The following TSPAN11 variants were observed in gnomAD, a reference collection of about 807,000 sequenced individuals.
The protein encoded by TSPAN11 is tetraspanin 11, also known as tetraspanin-11.
Under a neutral mutation model 32.9 loss-of-function variants are expected in TSPAN11, and 29 were observed. The ratio of observed to expected loss-of-function variants is 0.88; its 90% CI spans 0.66 to 1.20. TSPAN11 has a LOEUF of 1.20. Among genes scored for constraint, TSPAN11 ranks in the 50% most tolerant of loss-of-function variants. The pLI is 0.00. For synonymous variants in TSPAN11, 140 were observed against 141.3 expected (o/e 0.99, Z 0.07); for missense variants, 283 against 329.1 (o/e 0.86, Z 1.08).
intron 2 of TSPAN11, among the ~76,000 whole-genome samples, chr12:30,959,901 T>A: frequency 6.0e-5 from 9 of 149,194 alleles, no homozygotes; most frequent in African/African-American, 2.3e-4. Context: ...TTTTTGGGCT[T>A]GGTGCCTGGG....
intron 1 of TSPAN11, among the ~76,000 whole-genome samples, chr12:30,929,494 G>A (rs1046225090): frequency 5.9e-5 from 9 of 152,118 alleles, no homozygotes; most frequent in African/African-American, 1.2e-4. Flanking sequence ...GGCACCAGAC[G>A]GAGGACACGA....
chr12:31,001,892 C>T, the TSPAN11 span, among the ~76,000 whole-genome samples: 3 of 152,250 alleles, frequency 2.0e-5, no homozygotes, highest in Middle Eastern at 6.8e-3. Context: ...GTGACTGGGG[C>T]CCAGTGCTAA....
intron 2 of TSPAN11, among the ~76,000 whole-genome samples, chr12:30,960,839 G>T (rs967536148): frequency 6.6e-6 from 1 of 151,794 alleles, no homozygotes; most frequent in Non-Finnish European, 1.5e-5. Context: ...AAGAGTTCAA[G>T]ACCAGCCTGA....
chr12:30,976,689 G>A (rs115728877), intron 3 of TSPAN11, among the ~76,000 whole-genome samples: 3,544 of 152,236 alleles, frequency 0.023, 139 homozygotes, highest in African/African-American at 0.081. Context: ...ACTCCCTCCC[G>A]CCACTTCCTG....
intron 1 of TSPAN11, among the ~76,000 whole-genome samples, chr12:30,937,549 G>A (rs1025647851): frequency 6.6e-6 from 1 of 152,154 alleles, no homozygotes; most frequent in Non-Finnish European, 1.5e-5. Context: ...CAGGACTGTG[G>A]CTTAAAGAAC....
At chr12:31,004,423 T>C in the TSPAN11 span, among the ~76,000 whole-genome samples, 81 of 152,304 alleles carry the variant, frequency 5.3e-4, no homozygotes, top group East Asian at 0.014. Flanking sequence ...CCACTGCTGA[T>C]GTCGATGAAC....
intron 7 of TSPAN11, among the ~76,000 whole-genome samples, chr12:30,984,718 C>T (rs1939167546): frequency 1.3e-5 from 2 of 151,924 alleles, no homozygotes; most frequent in African/African-American, 2.4e-5. Flanking sequence ...ACCACCACGC[C>T]GCCTAGTTTT....
rs145322545 is a variant in TSPAN11, at chr12:30,929,098, C to G, written c.-12+2302C>G. Among the ~76,000 whole-genome samples the G allele has an allele frequency of 4.0e-3, 607 of 152,336 alleles. 11 individuals are homozygous for G. Among genetic ancestry groups the G allele is most frequent in the African/African-American group, 0.014 (580 of 41,574 alleles). On this transcript the variant is annotated intron_variant, in intron 1 of 7. Transcript: ENST00000546076. ...CTGGCAGGGCGCCAGGTCCCTCACA[C>G]CAGCAGCTCGGGGTCAATCTAAGTT...
intron 7 of TSPAN11, among the ~76,000 whole-genome samples, chr12:30,988,305 T>C (rs544292331): frequency 3.3e-5 from 5 of 152,248 alleles, no homozygotes; most frequent in Admixed American, 6.5e-5. Context: ...TTAAATACCA[T>C]TGTGGCCAGG....
At position 30,984,968 on chromosome 12, in the gene TSPAN11, C is replaced by T. The variant is rs74645263; in HGVS notation, c.702+1818C>T. On this transcript the variant is annotated intron_variant, in intron 7 of 7. Transcript: ENST00000546076. ...TCCTGGCTTTGGTTCTTTGCTTTCC[C>T]GAACTCCCTACCATGACACACAGAT... is the stretch of plus-strand genomic sequence containing the variant. Among the ~76,000 whole-genome samples, 559 of 152,250 alleles carry T rather than the reference C, an allele frequency of 3.7e-3. 17 individuals are homozygous for T. The East Asian group carries it at 0.078, about 21-fold the overall frequency.
chr12:31,013,293 G>A, the TSPAN11 span, among the ~76,000 whole-genome samples: 1 of 152,162 alleles, frequency 6.6e-6, no homozygotes, highest in Non-Finnish European at 1.5e-5. Flanking sequence ...CAGGGAGAAG[G>A]TGCAGAGACA....
intron 1 of TSPAN11, among the ~76,000 whole-genome samples, chr12:30,945,053 C>CT (rs1229069821): frequency 6.6e-6 from 1 of 152,196 alleles, no homozygotes; most frequent in Admixed American, 6.5e-5. Flanking sequence ...GCCCATGCTG[C>CT]CCAGCCATTC....
intron 3 of TSPAN11, among the ~76,000 whole-genome samples, chr12:30,969,014 G>A (rs750535916): frequency 1.3e-5 from 2 of 152,182 alleles, no homozygotes; most frequent in Non-Finnish European, 2.9e-5. Flanking sequence ...GTATTTTCAG[G>A]TCCTGGGAAG....
chr12:31,008,693 C>T, the TSPAN11 span, among the ~76,000 whole-genome samples: 3 of 152,236 alleles, frequency 2.0e-5, no homozygotes, highest in Admixed American at 6.5e-5. Context: ...TTTGCAGGCA[C>T]GCTTTCTTTT....
chr12:30,969,446 T>G (rs994259377), intron 3 of TSPAN11, among the ~76,000 whole-genome samples: 1 of 152,194 alleles, frequency 6.6e-6, no homozygotes, highest in African/African-American at 2.4e-5. Flanking sequence ...AGTCCTTTCC[T>G]CATCCAGCGT....
chr12:31,015,438 G>A, the TSPAN11 span: 1 of 152,218 alleles, frequency 6.6e-6, no homozygotes, highest in Non-Finnish European at 1.5e-5. The surrounding 1 kb of genome is among the most constrained non-coding windows in gnomAD (Gnocchi z 4.9). Context: ...AACTCCAAGG[G>A]TCAGGAGTTG....
Position 30,992,208 on chromosome 12 carries a change from G to A in TSPAN11, c.*293G>A. Reference sequence around the variant, plus strand: ...CTCACCAGGAACGGGGGCACCCGTGGACTACGGGAGGGTGGCGGTTGGGTT... The same window carrying A: ...CTCACCAGGAACGGGGGCACCCGTGAACTACGGGAGGGTGGCGGTTGGGTT... On this transcript the variant is annotated 3_prime_UTR_variant, in exon 8 of 8. Transcript: ENST00000546076. 2.0e-6 allele frequency: 1 copy of A among 492,418 alleles called. No individual in the cohort carries two copies. The highest frequency in any genetic ancestry group is 3.7e-6 in the Non-Finnish European group (1 of 271,840). 30.5% of individuals were successfully genotyped at this position (492,418 alleles called of 1,614,324 possible).
Position 30,994,826 on chromosome 12 carries a change from T to A in TSPAN11, c.*2911T>A, listed in dbSNP as rs1939386324. 6.6e-6 allele frequency: 1 copy of A among 152,134 alleles called. No individual in the cohort carries two copies. The highest frequency in any genetic ancestry group is 2.1e-4 in the South Asian group (1 of 4,816). The allele number at this position is 152,134 out of a possible 1,614,324, so 9.4% of individuals were successfully genotyped here. On this transcript the variant is annotated 3_prime_UTR_variant, in exon 8 of 8. Coordinates refer to ENST00000546076, the MANE Select transcript of TSPAN11 (RefSeq NM_001370302.1). Reference sequence around the variant, plus strand: ...TTTCCCCCATTTTATAAAAGGAAATTAAGGCTGGGCAAAGTTAAGACTTGC... The same window carrying A: ...TTTCCCCCATTTTATAAAAGGAAATAAAGGCTGGGCAAAGTTAAGACTTGC...
chr12:30,978,141 C>G (rs1209859798), intron 3 of TSPAN11, among the ~76,000 whole-genome samples: 3 of 152,308 alleles, frequency 2.0e-5, no homozygotes, highest in Middle Eastern at 3.4e-3. Context: ...TTAGGCGTCA[C>G]CACCTCCAGG....
Sources: gnomAD v4.1 joint callset for allele counts (sites outside exome capture counted in the v4.1 genomes callset) on GRCh38, gnomAD v4.1.1 for gene constraint, Gnocchi (gnomAD v3.1) non-coding constraint, MANE v1.5 for transcripts, NCBI Gene and HGNC (gene_info 2026-07-23, HGNC 2026-07-21) for gene names.